The following KALRN variants were observed in gnomAD, a reference collection of about 807,000 sequenced individuals.
KALRN encodes kalirin RhoGEF kinase.
KALRN carries 70 observed loss-of-function variants against 353.7 expected under a neutral mutation model. The ratio of observed to expected loss-of-function variants is 0.20; its 90% CI spans 0.16 to 0.24. The LOEUF is 0.24. KALRN is among the 10% of genes least tolerant of loss of function. KALRN has a pLI of 1.00. For missense variants in KALRN, 2,791 were observed against 3,756.7 expected (o/e 0.74, Z 6.72); for synonymous variants, 1,391 against 1,434.8 (o/e 0.97, Z 0.69).
rs73858419 is a variant in KALRN at position 124,325,804 on chromosome 3, T to G, written c.1093-176T>G. ...AAAGTTCCCTGCTATCTACTGAAAT[T>G]GAATTGTAGAAAAAGATTTCCCTTG... On this transcript the variant is annotated intron_variant, in intron 6 of 59. Transcript: ENST00000682506. Among the ~76,000 whole-genome samples, 937 of 152,236 alleles carry G rather than the reference T, an allele frequency of 6.2e-3. 15 individuals carry two copies. The highest frequency in any genetic ancestry group is 0.022 in the African/African-American group (897 of 41,530).
chr3:124,653,435 T>C (rs1330843757), intron 38 of KALRN, among the ~76,000 whole-genome samples: 1 of 152,116 alleles, frequency 6.6e-6, no homozygotes, highest in African/African-American at 2.4e-5. Context: ...TTTGCTCTCA[T>C]GGCAAGTTTA....
chr3:124,091,245 G>T (rs538788278), intron 1 of KALRN, among the ~76,000 whole-genome samples: 20 of 152,356 alleles, frequency 1.3e-4, no homozygotes, highest in African/African-American at 4.8e-4. Flanking sequence ...TGTTGGGGCA[G>T]GGTGAGGGAG....
At chr3:124,300,540 T>C (rs4678107) in intron 6 of KALRN, among the ~76,000 whole-genome samples, 40,792 of 152,086 alleles carry the variant, frequency 0.27, 6,439 homozygotes, top group East Asian at 0.67. Flanking sequence ...GCTCTGAAAC[T>C]TTCCAACTAG....
chr3:124,126,400 A>C (rs1050278353), intron 1 of KALRN, among the ~76,000 whole-genome samples: 6 of 152,034 alleles, frequency 3.9e-5, no homozygotes, highest in Non-Finnish European at 7.4e-5. Context: ...AATTTTTGCA[A>C]AGTCTGAGCA....
At chr3:124,666,860 C>T in intron 46 of KALRN, 152 bp from the exon 47 acceptor site, 2 of 801,856 alleles carry the variant, frequency 2.5e-6, no homozygotes, top group Middle Eastern at 3.8e-4. Context: ...TCGTGTCACT[C>T]ACCCAGAGAC....
At chr3:124,703,216 T>C (rs1160759426) in intron 57 of KALRN, among the ~76,000 whole-genome samples, 1 of 152,146 alleles carries the variant, frequency 6.6e-6, no homozygotes, top group African/African-American at 2.4e-5. Context: ...AGTCACAATA[T>C]CATTCACTGC....
chr3:124,523,945 A>G (rs575467677), intron 33 of KALRN, among the ~76,000 whole-genome samples: 4 of 152,184 alleles, frequency 2.6e-5, no homozygotes, highest in African/African-American at 9.7e-5. Context: ...CACCCAATAC[A>G]TTGATATTCT....
intron 1 of KALRN, among the ~76,000 whole-genome samples, chr3:124,080,963 C>G (rs1332692029): frequency 6.6e-6 from 1 of 152,182 alleles, no homozygotes; most frequent in Non-Finnish European, 1.5e-5. Flanking sequence ...TACCAGAGAC[C>G]TGCATTCCAC....
chr3:124,409,176 C>A (rs1434494017), intron 13 of KALRN, among the ~76,000 whole-genome samples: 1 of 152,076 alleles, frequency 6.6e-6, no homozygotes, highest in Non-Finnish European at 1.5e-5. Flanking sequence ...GCCACTAGAG[C>A]AAGTGGGGAA....
At chr3:124,577,898 C>A (rs2651615) in intron 34 of KALRN, among the ~76,000 whole-genome samples, 4 of 151,642 alleles carry the variant, frequency 2.6e-5, no homozygotes, top group South Asian at 2.1e-4. Flanking sequence ...AACAAAACCC[C>A]CCACCATATT....
At chr3:124,061,809 G>A (rs555036034) in intron 1 of KALRN, among the ~76,000 whole-genome samples, 2 of 152,242 alleles carry the variant, frequency 1.3e-5, no homozygotes, top group Admixed American at 1.3e-4. Context: ...GTGGGCTGAG[G>A]GGCAGCACTG....
chr3:124,276,822 T>TA (rs1330634376), intron 5 of KALRN, among the ~76,000 whole-genome samples: 1 of 152,146 alleles, frequency 6.6e-6, no homozygotes, highest in Non-Finnish European at 1.5e-5. Flanking sequence ...GGTGGGCACG[T>TA]ATAGGGGCAT....
At chr3:124,350,588 C>T (rs2082734085) in intron 10 of KALRN, among the ~76,000 whole-genome samples, 1 of 152,074 alleles carries the variant, frequency 6.6e-6, no homozygotes, top group South Asian at 2.1e-4. Flanking sequence ...TTTCTAGGTG[C>T]CCATTTGCTT....
chr3:124,446,968 C>T (rs1270261191), intron 21 of KALRN, 83 bp downstream of exon 21: 4 of 1,506,122 alleles, frequency 2.7e-6, no homozygotes, highest in Non-Finnish European at 3.6e-6. Flanking sequence ...GCAAAGACAG[C>T]TTCTGTAAGC....
At chr3:124,241,541 G>A (rs58170751) in intron 3 of KALRN, among the ~76,000 whole-genome samples, 29,158 of 152,096 alleles carry the variant, frequency 0.19, 4,578 homozygotes, top group East Asian at 0.54. Flanking sequence ...CATAATTTGT[G>A]TCAATATCAA....
intron 1 of KALRN, among the ~76,000 whole-genome samples, chr3:124,039,887 CT>C (rs1299169942): frequency 6.6e-6 from 1 of 152,086 alleles, no homozygotes; most frequent in Non-Finnish European, 1.5e-5. Context: ...ATGAACTGGG[CT>C]TTTGGTCACA....
rs541720613 is a variant in KALRN at position 124,460,521 on chromosome 3, A to T, written c.3855-1369A>T. 3.0e-4 allele frequency among the ~76,000 whole-genome samples: 45 copies of T among 152,300 alleles called. No individual in the cohort carries two copies. In the South Asian group the frequency reaches 8.3e-3, roughly 28 times the overall value. On this transcript the variant is annotated intron_variant, in intron 23 of 59. Coordinates refer to ENST00000682506, the MANE Select transcript of KALRN (RefSeq NM_001388419.1). Reference sequence around the variant, plus strand: ...AGGCCGTCAGTTTATGTTCCTTCTGATCTCCCTTCTGTCCTCATTTCATCG... The same window carrying T: ...AGGCCGTCAGTTTATGTTCCTTCTGTTCTCCCTTCTGTCCTCATTTCATCG...
chr3:124,604,844 G>T (rs1206786873), intron 34 of KALRN, among the ~76,000 whole-genome samples: 3 of 128,030 alleles, frequency 2.3e-5, no homozygotes, highest in African/African-American at 6.0e-5. Context: ...GTGCCATCAT[G>T]CCTGGCTAAT....
intron 26 of KALRN, among the ~76,000 whole-genome samples, chr3:124,476,608 A>G (rs1428032858): frequency 1.3e-5 from 2 of 152,116 alleles, no homozygotes; most frequent in Non-Finnish European, 2.9e-5. Context: ...ACGCTAACCC[A>G]GAGAGTCTTC....
Sources: gnomAD v4.1 joint callset for allele counts (sites outside exome capture counted in the v4.1 genomes callset) on GRCh38, gnomAD v4.1.1 for gene constraint, MANE v1.5 for transcripts, NCBI Gene and HGNC (gene_info 2026-07-23, HGNC 2026-07-21) for gene names.